Variants in NRXN1 observed in about 807,000 individuals in gnomAD.
NRXN1 encodes neurexin 1, also known as neurexin-1.
A neutral mutation model predicts 150.9 loss-of-function variants in NRXN1; 39 were observed. The ratio of observed to expected loss-of-function variants is 0.26; its 90% CI spans 0.20 to 0.34. The LOEUF (loss-of-function observed/expected upper bound fraction) is 0.34, where lower values mean the gene tolerates loss of function less well. Among genes scored for constraint, NRXN1 ranks in the 10% least tolerant of loss-of-function variants. The probability of loss-of-function intolerance (pLI) is 1.00; values close to 1 mark genes in which losing one functional copy is unlikely to be tolerated. For synonymous variants in NRXN1, 924 were observed against 757.0 expected (o/e 1.22, Z -3.62); for missense variants, 1,815 against 1,949.9 (o/e 0.93, Z 1.30).
At chr2:50,639,433 C>T (rs1353731554) in intron 5 of NRXN1, among the ~76,000 whole-genome samples, 7 of 151,890 alleles carry the variant, frequency 4.6e-5, no homozygotes, top group African/African-American at 1.5e-4. Flanking sequence ...GTTGGCCAGG[C>T]TGGTCTCGAA....
intron 18 of NRXN1, among the ~76,000 whole-genome samples, chr2:50,110,909 A>T (rs1403860982): frequency 6.6e-6 from 1 of 152,210 alleles, no homozygotes; most frequent in African/African-American, 2.4e-5. Context: ...TTTAGAAAAA[A>T]ATCAAATAAT....
intron 5 of NRXN1, among the ~76,000 whole-genome samples, chr2:50,670,516 T>C (rs1254729743): frequency 6.6e-6 from 1 of 151,966 alleles, no homozygotes; most frequent in Non-Finnish European, 1.5e-5. Flanking sequence ...TTTGTCCTAA[T>C]GCTAATCTGT....
intron 6 of NRXN1, among the ~76,000 whole-genome samples, chr2:50,623,019 C>T (rs1352123841): frequency 6.6e-6 from 1 of 152,076 alleles, no homozygotes; most frequent in South Asian, 2.1e-4. Flanking sequence ...AACAAAAAAA[C>T]CAAAAACACA....
At chr2:50,438,077 G>A (rs1471272286) in intron 17 of NRXN1, among the ~76,000 whole-genome samples, 2 of 152,114 alleles carry the variant, frequency 1.3e-5, no homozygotes, top group South Asian at 2.1e-4. Context: ...TTCCACCTGG[G>A]GCTCTATTTT....
At chr2:50,887,433 G>A (rs17571130) in intron 5 of NRXN1, among the ~76,000 whole-genome samples, 25,719 of 151,280 alleles carry the variant, frequency 0.17, 2,536 homozygotes, top group Non-Finnish European at 0.22. Context: ...ATCTTCAGAA[G>A]TATTTTCCTG....
intron 18 of NRXN1, among the ~76,000 whole-genome samples, chr2:50,107,520 CATATAT>C (rs150310372): frequency 2.2e-5 from 3 of 136,070 alleles, no homozygotes; most frequent in Non-Finnish European, 4.7e-5. Context: ...TTCCAGACTA[CATATAT>C]ATATATATAT....
chr2:49,942,890 G>A (rs147827584), intron 22 of NRXN1, among the ~76,000 whole-genome samples: 85 of 152,240 alleles, frequency 5.6e-4, no homozygotes, highest in African/African-American at 1.0e-3. Context: ...AATTACAGGC[G>A]TGAGCCACTA....
chr2:50,290,293 G>T (rs1284627475), intron 17 of NRXN1, among the ~76,000 whole-genome samples: 3 of 152,146 alleles, frequency 2.0e-5, no homozygotes, highest in African/African-American at 7.2e-5. Context: ...AATTGAAGAA[G>T]CTCTTTTTCA....
At chr2:50,987,417 T>C (rs1281657473) in intron 2 of NRXN1, among the ~76,000 whole-genome samples, 1 of 151,928 alleles carries the variant, frequency 6.6e-6, no homozygotes, top group Non-Finnish European at 1.5e-5. Context: ...TTGGGAAATG[T>C]ATGCTCTTTT....
intron 18 of NRXN1, among the ~76,000 whole-genome samples, chr2:50,109,414 T>C (rs1437861181): frequency 6.6e-6 from 1 of 152,108 alleles, no homozygotes. Flanking sequence ...TTTGTGATAA[T>C]CACTGCTCAG....
intron 5 of NRXN1, among the ~76,000 whole-genome samples, chr2:50,719,152 A>G (rs183059203): frequency 2.6e-4 from 39 of 151,808 alleles, no homozygotes; most frequent in African/African-American, 9.2e-4. Context: ...TTATCCTTCA[A>G]CTATCACACA....
intron 17 of NRXN1, among the ~76,000 whole-genome samples, chr2:50,358,064 T>TC (rs1427921593): frequency 1.3e-5 from 2 of 152,130 alleles, no homozygotes; most frequent in Non-Finnish European, 2.9e-5. Context: ...ACTAGGCTTT[T>TC]CCCATGGTCT....
intron 18 of NRXN1, among the ~76,000 whole-genome samples, chr2:50,137,211 ATAT>A (rs1251862514): frequency 2.0e-5 from 3 of 152,138 alleles, no homozygotes; most frequent in Non-Finnish European, 2.9e-5. Flanking sequence ...ATATATAAAA[ATAT>A]TATTTGTCAA....
At chr2:50,209,438 G>A (rs2062851768) in intron 18 of NRXN1, among the ~76,000 whole-genome samples, 1 of 152,096 alleles carries the variant, frequency 6.6e-6, no homozygotes, top group South Asian at 2.1e-4. Flanking sequence ...CCATGACGTG[G>A]GTAGTATTGG....
At chr2:50,808,481 A>G (rs1667802913) in intron 5 of NRXN1, among the ~76,000 whole-genome samples, 1 of 152,072 alleles carries the variant, frequency 6.6e-6, no homozygotes, top group Non-Finnish European at 1.5e-5. Context: ...AATGCAAAAA[A>G]AAAGAGAAAC....
At chr2:50,759,089 T>A (rs987628971) in intron 5 of NRXN1, among the ~76,000 whole-genome samples, 1 of 151,968 alleles carries the variant, frequency 6.6e-6, no homozygotes, top group African/African-American at 2.4e-5. Flanking sequence ...GGAGCAACAG[T>A]GTGCACAGGT....
rs908128065 is a variant in NRXN1, at chr2:49,933,163, T to C, written c.4216+10541A>G. ...GCACAGTGGCGCGGTCTCAGCTCAC[T>C]GCAAGCTCTGCCTCCCAGATTCACG... On this transcript the variant is annotated intron_variant, in intron 22 of 22. Coordinates refer to ENST00000401669, the MANE Select transcript of NRXN1 (RefSeq NM_001330078.2). Among the ~76,000 whole-genome samples, 3 of 152,242 alleles carry C rather than the reference T, an allele frequency of 2.0e-5. No homozygotes were observed. In the East Asian group the frequency reaches 5.8e-4, roughly 29 times the overall value.
chr2:50,279,696 T>C (rs1193344665), intron 17 of NRXN1, among the ~76,000 whole-genome samples: 1 of 150,496 alleles, frequency 6.6e-6, no homozygotes, highest in Non-Finnish European at 1.5e-5. Flanking sequence ...ATAGTGCTTG[T>C]TTATAGACCA....
At chr2:50,271,578 G>A (rs1044127936) in intron 17 of NRXN1, among the ~76,000 whole-genome samples, 15 of 152,136 alleles carry the variant, frequency 9.9e-5, no homozygotes, top group Non-Finnish European at 7.4e-5. Context: ...GAAACCCAAT[G>A]AGAGCAAGTG....
Sources: gnomAD v4.1 joint callset for allele counts (sites outside exome capture counted in the v4.1 genomes callset) on GRCh38, gnomAD v4.1.1 for gene constraint, MANE v1.5 for transcripts, NCBI Gene and HGNC (gene_info 2026-07-23, HGNC 2026-07-21) for gene names.